Variants in DNAJC1 observed in about 807,000 individuals in gnomAD.
DNAJC1 encodes DnaJ heat shock protein family (Hsp40) member C1.
A neutral mutation model predicts 76.6 loss-of-function variants in DNAJC1; 58 were observed. The ratio of observed to expected loss-of-function variants is 0.76; its 90% CI spans 0.61 to 0.94. The LOEUF (loss-of-function observed/expected upper bound fraction) is 0.94, where lower values mean the gene tolerates loss of function less well. DNAJC1 is among the 40% of genes least tolerant of loss of function. DNAJC1 has a pLI of 0.00. For missense variants in DNAJC1, 689 were observed against 677.3 expected (o/e 1.02, Z -0.19); for synonymous variants, 258 against 267.9 (o/e 0.96, Z 0.36).
chr10:21,885,240 A>G (rs1489584368), intron 7 of DNAJC1, among the ~76,000 whole-genome samples: 1 of 151,828 alleles, frequency 6.6e-6, no homozygotes, highest in African/African-American at 2.4e-5. Context: ...TAAAAAACAC[A>G]AAAAAAGGGC....
chr10:21,826,504 T>G (rs1835258291), intron 8 of DNAJC1, among the ~76,000 whole-genome samples: 1 of 152,178 alleles, frequency 6.6e-6, no homozygotes. Flanking sequence ...AGTTTTTAAT[T>G]TTGATGAAAT....
intron 8 of DNAJC1, among the ~76,000 whole-genome samples, chr10:21,856,880 T>G (rs146862307): frequency 0.022 from 3,411 of 151,964 alleles, 70 homozygotes; most frequent in Middle Eastern, 0.065. Context: ...GGACCACAGG[T>G]GCGCACCACC....
intron 8 of DNAJC1, among the ~76,000 whole-genome samples, chr10:21,873,127 A>G (rs1183814980): frequency 6.6e-6 from 1 of 152,060 alleles, no homozygotes; most frequent in African/African-American, 2.4e-5. Context: ...TCAATAGATC[A>G]CGACCCTCTC....
chr10:21,801,363 A>T (rs1834811068), intron 9 of DNAJC1, among the ~76,000 whole-genome samples: 1 of 152,174 alleles, frequency 6.6e-6, no homozygotes, highest in South Asian at 2.1e-4. Context: ...ACATACATGC[A>T]GCCAACAAGG....
chr10:21,858,855 C>G (rs1239604516), intron 8 of DNAJC1, among the ~76,000 whole-genome samples: 1 of 151,952 alleles, frequency 6.6e-6, no homozygotes, highest in Non-Finnish European at 1.5e-5. Flanking sequence ...TTTGTTTTGG[C>G]TTACCTGATG....
intron 9 of DNAJC1, among the ~76,000 whole-genome samples, chr10:21,779,798 A>C (rs1205294644): frequency 1.3e-5 from 2 of 152,232 alleles, no homozygotes; most frequent in Non-Finnish European, 2.9e-5. Context: ...AACTTCTCCA[A>C]GCTAAAGGAG....
At chr10:21,837,320 G>A (rs531529073) in intron 8 of DNAJC1, among the ~76,000 whole-genome samples, 56 of 152,240 alleles carry the variant, frequency 3.7e-4, no homozygotes, top group African/African-American at 1.3e-3. Context: ...TGCAGCCTCT[G>A]CCCGGCCGCC....
At chr10:21,903,334 C>CA (rs1836689435) in intron 7 of DNAJC1, among the ~76,000 whole-genome samples, 1 of 152,150 alleles carries the variant, frequency 6.6e-6, no homozygotes. Flanking sequence ...ATAAAAATGA[C>CA]AAGAGTTTCA....
At chr10:21,804,311 C>T (rs986732318) in intron 9 of DNAJC1, among the ~76,000 whole-genome samples, 31 of 152,010 alleles carry the variant, frequency 2.0e-4, no homozygotes, top group African/African-American at 7.5e-4. Context: ...GGAGATAATA[C>T]ATTAGTATTA....
In DNAJC1 at chr10:21,997,283, C is replaced by T. The variant is rs111435884; in HGVS notation, c.222+5930G>A. 2.2e-4 allele frequency among the ~76,000 whole-genome samples: 34 copies of T among 152,278 alleles called. 1 individual carries two copies. The highest frequency in any genetic ancestry group is 7.7e-4 in the African/African-American group (32 of 41,558). ...CAAAAAACTGAGTGGACACAGGAGT[C>T]GGGCAGACAAGAGATGAACCTTTAT... On this transcript the variant is annotated intron_variant, in intron 1 of 11. Transcript: ENST00000376980.
At chr10:21,771,568 G>A (rs529166354) in intron 9 of DNAJC1, among the ~76,000 whole-genome samples, 5 of 152,160 alleles carry the variant, frequency 3.3e-5, no homozygotes, top group South Asian at 2.1e-4. Context: ...GCACGATCTC[G>A]GCTGACTGCA....
intron 9 of DNAJC1, among the ~76,000 whole-genome samples, chr10:21,774,536 G>A (rs1174106773): frequency 2.6e-5 from 4 of 152,218 alleles, no homozygotes; most frequent in South Asian, 2.1e-4. Context: ...GCGCAGTGGC[G>A]CAATCTCGGC....
intron 8 of DNAJC1, among the ~76,000 whole-genome samples, chr10:21,844,736 T>TA (rs901382517): frequency 2.0e-4 from 31 of 152,240 alleles, no homozygotes; most frequent in African/African-American, 7.0e-4. Context: ...GCTGTTTTTT[T>TA]AAAAAAATAG....
In DNAJC1 at chr10:21,939,943, CAA is replaced by C. The variant is rs374955734; in HGVS notation, c.223-10804_223-10803del. Among the ~76,000 whole-genome samples the C allele has an allele frequency of 9.8e-3, 688 of 70,350 alleles. 3 individuals carry two copies. The highest frequency in any genetic ancestry group is 0.038 in the African/African-American group (638 of 16,818). The allele number at this position is 70,350 out of a possible 152,430, so 46.2% of individuals were successfully genotyped here. A position where few individuals can be genotyped will look rare whatever the true frequency, so the allele number is the denominator to read the frequency against. The stretch of plus-strand genomic sequence containing the variant: ...TTCTCACCCCACCCCAAACCTCTCT[CAA>C]AAAAAAAAAAAAAAAAAAGCAGCAA... On this transcript the variant is annotated intron_variant, in intron 1 of 11. Transcript: ENST00000376980.
intron 8 of DNAJC1, among the ~76,000 whole-genome samples, chr10:21,810,073 C>T (rs1263100238): frequency 6.6e-6 from 1 of 152,070 alleles, no homozygotes; most frequent in Non-Finnish European, 1.5e-5. Flanking sequence ...TAATTATCTC[C>T]TTACAGGCCC....
chr10:21,862,243 T>C (rs963900306), intron 8 of DNAJC1, among the ~76,000 whole-genome samples: 1 of 151,656 alleles, frequency 6.6e-6, no homozygotes, highest in Non-Finnish European at 1.5e-5. Flanking sequence ...AAACTTGCTT[T>C]TACTTTGCAC....
intron 9 of DNAJC1, among the ~76,000 whole-genome samples, chr10:21,790,031 A>G (rs946396910): frequency 1.3e-5 from 2 of 150,312 alleles, no homozygotes; most frequent in Non-Finnish European, 1.5e-5. Context: ...AAAAAAAAAA[A>G]AAAAAAGAAA....
At chr10:21,898,616 G>C (rs949610684) in intron 7 of DNAJC1, among the ~76,000 whole-genome samples, 1 of 149,796 alleles carries the variant, frequency 6.7e-6, no homozygotes, top group Non-Finnish European at 1.5e-5. Context: ...GCAATGGCGC[G>C]ATCTTGGCTC....
At chr10:21,950,555 T>C (rs1401640342) in intron 1 of DNAJC1, among the ~76,000 whole-genome samples, 1 of 152,126 alleles carries the variant, frequency 6.6e-6, no homozygotes, top group Non-Finnish European at 1.5e-5. Flanking sequence ...AAGAGTCACA[T>C]ATCTCACACT....
Sources: gnomAD v4.1 joint callset for allele counts (sites outside exome capture counted in the v4.1 genomes callset) on GRCh38, gnomAD v4.1.1 for gene constraint, MANE v1.5 for transcripts, NCBI Gene and HGNC (gene_info 2026-07-23, HGNC 2026-07-21) for gene names.